Variants in CAPN13 observed in about 807,000 individuals in gnomAD.
The protein encoded by CAPN13 is calpain 13, also known as calpain-13.
CAPN13 carries 90 observed loss-of-function variants against 98.4 expected under a neutral mutation model. That is an observed-to-expected ratio of 0.92 (90% CI 0.77 to 1.09). The LOEUF (loss-of-function observed/expected upper bound fraction) is 1.09, where lower values mean the gene tolerates loss of function less well. Among genes scored for constraint, CAPN13 ranks in the 50% least tolerant of loss-of-function variants. The pLI is 0.00. For synonymous variants in CAPN13, 330 were observed against 305.5 expected, an observed-to-expected ratio of 1.08 and a Z score of -0.84; for missense variants, 887 against 841.3, an observed-to-expected ratio of 1.05 and a Z score of -0.67.
chr2:30,770,025 T>C (rs1005314552), intron 5 of CAPN13, among the ~76,000 whole-genome samples: 1 of 152,226 alleles, frequency 6.6e-6, no homozygotes, highest in Non-Finnish European at 1.5e-5. Flanking sequence ...TCATCGGACT[T>C]TGACCGTGAT....
intron 1 of CAPN13, among the ~76,000 whole-genome samples, chr2:30,793,079 C>G (rs1025510915): frequency 2.6e-5 from 4 of 151,698 alleles, no homozygotes; most frequent in Non-Finnish European, 5.9e-5. Flanking sequence ...CATTTTCTTC[C>G]CTTTACAATC....
intron 5 of CAPN13, among the ~76,000 whole-genome samples, chr2:30,766,181 T>C (rs1049070145): frequency 5.3e-5 from 8 of 152,226 alleles, no homozygotes; most frequent in Non-Finnish European, 8.8e-5. Flanking sequence ...GCGCCTTTCC[T>C]GGCTTCAAAC....
chr2:30,747,033 C>G (rs1204921154), intron 11 of CAPN13, among the ~76,000 whole-genome samples: 1 of 152,154 alleles, frequency 6.6e-6, no homozygotes, highest in Non-Finnish European at 1.5e-5. Flanking sequence ...TCTATCAGGC[C>G]ACTGTAAATA....
At chr2:30,764,784 A>C (rs571933347) in intron 5 of CAPN13, among the ~76,000 whole-genome samples, 24 of 152,178 alleles carry the variant, frequency 1.6e-4, no homozygotes, top group Non-Finnish European at 2.9e-4. Context: ...TGGGCGAGGG[A>C]CTATGAGAGG....
intron 1 of CAPN13, among the ~76,000 whole-genome samples, chr2:30,803,261 T>G (rs550333021): frequency 1.3e-5 from 2 of 152,328 alleles, no homozygotes; most frequent in South Asian, 4.1e-4. Flanking sequence ...TTCAGACCTT[T>G]GAGAACCAGT....
intron 7 of CAPN13, among the ~76,000 whole-genome samples, chr2:30,761,413 T>C (rs1476416479): frequency 1.3e-5 from 2 of 152,166 alleles, no homozygotes; most frequent in Non-Finnish European, 2.9e-5. Context: ...ACACTTGGAC[T>C]CCCGAGCTCC....
At chr2:30,726,656 T>A (rs1234032718) in intron 22 of CAPN13, among the ~76,000 whole-genome samples, 1 of 152,070 alleles carries the variant, frequency 6.6e-6, no homozygotes, top group East Asian at 1.9e-4. Flanking sequence ...AGGAATAAAT[T>A]TAACAAGGAA....
intron 22 of CAPN13, among the ~76,000 whole-genome samples, chr2:30,725,962 T>G (rs1171376125): frequency 6.6e-6 from 1 of 151,986 alleles, no homozygotes; most frequent in Non-Finnish European, 1.5e-5. Context: ...AAATAGAGAA[T>G]AGCTAAAATA....
intron 8 of CAPN13, among the ~76,000 whole-genome samples, chr2:30,757,696 C>T (rs1020854922): frequency 6.6e-5 from 10 of 152,296 alleles, no homozygotes; most frequent in African/African-American, 2.4e-4. Context: ...GGCTTGGCTC[C>T]TGCCTGCCTT....
intron 4 of CAPN13, among the ~76,000 whole-genome samples, chr2:30,773,221 G>A (rs189377072): frequency 5.5e-4 from 84 of 152,292 alleles, no homozygotes; most frequent in Non-Finnish European, 9.4e-4. Context: ...TGCAGCATTG[G>A]AAGCTACAAG....
chr2:30,750,570 T>C (rs931278946), intron 11 of CAPN13, among the ~76,000 whole-genome samples: 1 of 152,140 alleles, frequency 6.6e-6, no homozygotes, highest in African/African-American at 2.4e-5. Flanking sequence ...GACTCGACTT[T>C]GGTCTAAACG....
intron 14 of CAPN13, 31 bp downstream of exon 14, chr2:30,742,295 G>T: frequency 6.3e-7 from 1 of 1,592,856 alleles, no homozygotes; most frequent in Non-Finnish European, 8.6e-7. Flanking sequence ...GGCCAATGAG[G>T]CTCGCCAGCC....
At chr2:30,759,905 C>T (rs1275832162) in intron 7 of CAPN13, among the ~76,000 whole-genome samples, 1 of 152,146 alleles carries the variant, frequency 6.6e-6, no homozygotes, top group East Asian at 1.9e-4. Context: ...ACACATGGGC[C>T]CAGGAGCCTG....
rs764084193 is a variant in CAPN13, at chr2:30,742,379, T to G, written c.1446-20A>C. On this transcript the variant is annotated intron_variant, in intron 13 of 22. Transcript: ENST00000295055. ...AGGTGCCTAGAAAATCAGAGGACAG[T>G]GTGACAAAGATGACCAGCTCACCAC... is the stretch of plus-strand genomic sequence containing the variant. The G allele has an allele frequency of 3.9e-5, 62 of 1,600,892 alleles. No homozygotes were observed. The highest frequency in any genetic ancestry group is 5.0e-5 in the Non-Finnish European group (59 of 1,173,742).
At chr2:30,727,045 T>A (rs150654918) in intron 22 of CAPN13, among the ~76,000 whole-genome samples, 24 of 152,276 alleles carry the variant, frequency 1.6e-4, no homozygotes, top group African/African-American at 5.8e-4. Flanking sequence ...CATTCTTATA[T>A]TAAATTGATT....
chr2:30,748,911 C>T (rs1672043857), intron 11 of CAPN13, among the ~76,000 whole-genome samples: 1 of 152,152 alleles, frequency 6.6e-6, no homozygotes, highest in African/African-American at 2.4e-5. Flanking sequence ...CGAAAGCTCT[C>T]CTTCTGCTAG....
intron 18 of CAPN13, 79 bp from the exon 19 acceptor site, chr2:30,734,603 CT>C: frequency 2.6e-6 from 3 of 1,155,370 alleles, no homozygotes; most frequent in African/African-American, 1.5e-5. Context: ...TGGGAGCTTG[CT>C]TCCCTAAACC....
intron 7 of CAPN13, among the ~76,000 whole-genome samples, chr2:30,762,804 C>A (rs1672913382): frequency 6.6e-6 from 1 of 152,246 alleles, no homozygotes; most frequent in African/African-American, 2.4e-5. Flanking sequence ...TGGGGCTAAT[C>A]TCCCAGTCTA....
At chr2:30,756,307 G>A (rs1672444600) in intron 8 of CAPN13, among the ~76,000 whole-genome samples, 1 of 152,018 alleles carries the variant, frequency 6.6e-6, no homozygotes, top group Non-Finnish European at 1.5e-5. Context: ...TCCCAGCTGG[G>A]TGCAATAGCC....
Sources: allele counts gnomAD v4.1 joint callset (sites outside exome capture counted in the v4.1 genomes callset), GRCh38; gene constraint gnomAD v4.1.1; transcripts MANE v1.5; gene names NCBI Gene and HGNC (gene_info 2026-07-23, HGNC 2026-07-21).